INSYN2A: variants seen among roughly 807,000 people sequenced by gnomAD.
The protein encoded by INSYN2A is inhibitory synaptic factor 2A, also known as family with sequence similarity 196 member A.
Under a neutral mutation model 39.4 loss-of-function variants are expected in INSYN2A, and 17 were observed. That is an observed-to-expected ratio of 0.43 (90% CI 0.30 to 0.65). The LOEUF is 0.65. INSYN2A is among the 30% of genes least tolerant of loss of function. The pLI is 0.14. For missense variants in INSYN2A, 595 were observed against 631.2 expected (o/e 0.94, Z 0.61); for synonymous variants, 255 against 265.7 (o/e 0.96, Z 0.39).
chr10:127,169,789 C>A (rs1384458243), intron 4 of INSYN2A, among the ~76,000 whole-genome samples: 2 of 152,286 alleles, frequency 1.3e-5, no homozygotes, highest in African/African-American at 2.4e-5. Flanking sequence ...TAAGTCCTTA[C>A]CTCTTAAGTA....
Position 127,176,149 on chromosome 10 carries a change from C to T in INSYN2A, c.247G>A (p.Ala83Thr), listed in dbSNP as rs769537771. The change falls in exon 4 of 6, where the codon GCC (alanine) becomes ACC (threonine). Residue 83 changes from alanine to threonine, a missense_variant. By Grantham distance (58) the Ala-to-Thr change is moderately conservative (BLOSUM62 0). This residue lies in a region of INSYN2A where 478 missense variants were observed against 467.4 expected (regional missense o/e 1.02). Coordinates refer to ENST00000522781, the MANE Select transcript of INSYN2A (RefSeq NM_001039762.3). The surrounding 1 kb of genome is among the most constrained non-coding windows in gnomAD (Gnocchi z 4.4). ...REAKPVSCRA[A>T]YRKYMTVPAR... ...GGCACTGTCATGTATTTGCGGTAGG[C>T]TGCTCTGCAGGACACGGGCTTGGCC... 3.1e-6 allele frequency: 5 copies of T among 1,614,090 alleles called. No homozygotes were observed. In the South Asian group the frequency reaches 5.5e-5, roughly 18 times the overall value.
intron 5 of INSYN2A, among the ~76,000 whole-genome samples, chr10:127,150,973 G>A (rs1405358036): frequency 6.6e-6 from 1 of 152,140 alleles, no homozygotes; most frequent in Non-Finnish European, 1.5e-5. Flanking sequence ...ATTCAAATGG[G>A]AGATTTCAAT....
chr10:127,144,751 A>G (rs952924344), intron 5 of INSYN2A, among the ~76,000 whole-genome samples: 2 of 152,262 alleles, frequency 1.3e-5, no homozygotes, highest in African/African-American at 4.8e-5. Context: ...CAACACTTTA[A>G]ATATAGAAAT....
chr10:127,139,332 AT>A (rs1273102999), intron 5 of INSYN2A, among the ~76,000 whole-genome samples: 5 of 152,202 alleles, frequency 3.3e-5, no homozygotes, highest in African/African-American at 1.2e-4. Flanking sequence ...GGGCCATTTC[AT>A]GTTTTAAATC....
intron 5 of INSYN2A, among the ~76,000 whole-genome samples, chr10:127,149,452 G>T (rs1449131368): frequency 6.6e-6 from 1 of 152,158 alleles, no homozygotes; most frequent in Non-Finnish European, 1.5e-5. Context: ...TTTTCACAGA[G>T]AAATATGTAC....
chr10:127,142,169 G>A (rs180961539), intron 5 of INSYN2A, among the ~76,000 whole-genome samples: 12 of 152,304 alleles, frequency 7.9e-5, no homozygotes, highest in African/African-American at 2.6e-4. Flanking sequence ...GCACCATCAC[G>A]GTCCCAGGCC....
chr10:127,172,147 A>C (rs2483847), intron 4 of INSYN2A, among the ~76,000 whole-genome samples: 5 of 152,118 alleles, frequency 3.3e-5, no homozygotes, highest in East Asian at 1.9e-4. Flanking sequence ...TAAAATACCA[A>C]CTTCCCAGTT....
intron 5 of INSYN2A, among the ~76,000 whole-genome samples, chr10:127,138,845 T>C (rs2050946687): frequency 6.6e-6 from 1 of 152,240 alleles, no homozygotes; most frequent in East Asian, 1.9e-4. Flanking sequence ...AAAATTGCTG[T>C]CAACTTGTCT....
At chr10:127,163,350 A>G (rs2053759309) in intron 4 of INSYN2A, among the ~76,000 whole-genome samples, 1 of 151,936 alleles carries the variant, frequency 6.6e-6, no homozygotes, top group African/African-American at 2.4e-5. Context: ...ATTTATCGCC[A>G]TGGAGTATAC....
chr10:127,149,071 T>C (rs2133425388), intron 5 of INSYN2A, among the ~76,000 whole-genome samples: 1 of 152,208 alleles, frequency 6.6e-6, no homozygotes, highest in African/African-American at 2.4e-5. Flanking sequence ...AAGGGAGAGG[T>C]GTTTTTCAGC....
chr10:127,175,144 G>T lies in INSYN2A; in HGVS notation c.1184+68C>A. 7.4e-7 allele frequency: 1 copy of T among 1,356,138 alleles called. No homozygotes were observed. Among genetic ancestry groups the T allele is most frequent in the South Asian group, 1.4e-5 (1 of 74,006 alleles). The allele number at this position is 1,356,138 out of a possible 1,614,324, so 84.0% of individuals were successfully genotyped here. A position where few individuals can be genotyped will look rare whatever the true frequency, so the allele number is the denominator to read the frequency against. ...TTAGTCTCATTACAGACTTGGGTTT[G>T]GGGCTACAGATGGACTCTGTGGTGA... On this transcript the variant is annotated intron_variant, in intron 4 of 5. Coordinates refer to ENST00000522781, the MANE Select transcript of INSYN2A (RefSeq NM_001039762.3). This position sits in a 1 kb window ranked among gnomAD's most constrained non-coding sequence, Gnocchi z 6.3.
At chr10:127,144,701 A>G (rs925133333) in intron 5 of INSYN2A, among the ~76,000 whole-genome samples, 2 of 152,208 alleles carry the variant, frequency 1.3e-5, no homozygotes, top group African/African-American at 4.8e-5. Flanking sequence ...TCTCATCCTA[A>G]TAGTTTAAAA....
chr10:127,186,287 A>G (rs1460818105), intron 2 of INSYN2A, among the ~76,000 whole-genome samples: 1 of 152,166 alleles, frequency 6.6e-6, no homozygotes, highest in Non-Finnish European at 1.5e-5. Flanking sequence ...AGGCCTCAAG[A>G]AACTTAAAAT....
At chr10:127,159,840 C>T (rs1396691106) in intron 4 of INSYN2A, among the ~76,000 whole-genome samples, 4 of 152,086 alleles carry the variant, frequency 2.6e-5, no homozygotes, top group Admixed American at 6.6e-5. Flanking sequence ...GCCTGAGAGC[C>T]GCACCATGGC....
intron 4 of INSYN2A, among the ~76,000 whole-genome samples, chr10:127,158,542 G>A (rs1032181739): frequency 6.6e-5 from 10 of 152,126 alleles, no homozygotes; most frequent in African/African-American, 2.2e-4. Flanking sequence ...TACAATACCT[G>A]GTACCTTCTG....
chr10:127,141,368 C>T (rs532090992), intron 5 of INSYN2A, among the ~76,000 whole-genome samples: 17 of 152,224 alleles, frequency 1.1e-4, no homozygotes, highest in South Asian at 4.2e-4. Flanking sequence ...CAGTTGCCTA[C>T]GTAATATTGC....
At chr10:127,142,163 C>T (rs2051322635) in intron 5 of INSYN2A, among the ~76,000 whole-genome samples, 1 of 152,228 alleles carries the variant, frequency 6.6e-6, no homozygotes, top group Admixed American at 6.5e-5. Flanking sequence ...TTCTGAGCAC[C>T]ATCACGGTCC....
At chr10:127,144,976 T>C (rs550828645) in intron 5 of INSYN2A, among the ~76,000 whole-genome samples, 1 of 152,318 alleles carries the variant, frequency 6.6e-6, no homozygotes, top group South Asian at 2.1e-4. Flanking sequence ...TAGCCAGATA[T>C]CCTAGCTGTA....
intron 4 of INSYN2A, among the ~76,000 whole-genome samples, chr10:127,164,426 AC>A (rs2053898073): frequency 6.6e-6 from 1 of 151,350 alleles, no homozygotes; most frequent in South Asian, 2.1e-4. Flanking sequence ...CAGGTGATCC[AC>A]CCGCCTCGGC....
Sources: allele counts gnomAD v4.1 joint callset (sites outside exome capture counted in the v4.1 genomes callset), GRCh38; gene constraint gnomAD v4.1.1; regional missense constraint gnomAD v4.1.1; non-coding constraint Gnocchi (gnomAD v3.1); transcripts MANE v1.5; gene names NCBI Gene and HGNC (gene_info 2026-07-23, HGNC 2026-07-21).